Variants in EMG1 observed in about 807,000 individuals in gnomAD.
The protein encoded by EMG1 is EMG1 N1-specific pseudouridine methyltransferase, also known as ribosomal RNA small subunit methyltransferase NEP1.
In EMG1, 24 loss-of-function variants were observed where a neutral mutation model predicts 26.9. The observed-to-expected ratio is 0.89, with a 90% CI of 0.65 to 1.26. The LOEUF (loss-of-function observed/expected upper bound fraction) is 1.26, where lower values mean the gene tolerates loss of function less well. Among genes scored for constraint, EMG1 ranks in the 50% most tolerant of loss-of-function variants. The pLI, the probability that EMG1 is intolerant of heterozygous loss-of-function variation, is 0.00. For synonymous variants in EMG1, 140 were observed against 112.6 expected, an observed-to-expected ratio of 1.24 and a Z score of -1.54; for missense variants, 299 against 307.6, an observed-to-expected ratio of 0.97 and a Z score of 0.21.
Position 6,979,659 on chromosome 12 carries a change from G to T in EMG1, c.*3850G>T. ...ACCCTCTGACCTTCAGTTATGGAGA[G>T]GAGTGTTTAGGGGTGTGGTTGTCTA... On this transcript the variant is annotated 3_prime_UTR_variant, in exon 6 of 6. Transcript: ENST00000599672. The T allele has an allele frequency of 1.0e-6, 1 of 952,524 alleles. No homozygotes were observed. The highest frequency in any genetic ancestry group is 1.7e-6 in the Non-Finnish European group (1 of 591,508). 59.0% of individuals were successfully genotyped at this position (952,524 alleles called of 1,614,324 possible).
In EMG1 at chr12:6,987,782, G is replaced by A; in HGVS notation, c.*155G>A. 1 of 400,654 alleles carries A rather than the reference G, an allele frequency of 2.5e-6. No individual in the cohort carries two copies. Among genetic ancestry groups the A allele is most frequent in the East Asian group, 3.6e-5 (1 of 28,066 alleles). The allele number at this position is 400,654 out of a possible 1,614,324, so 24.8% of individuals were successfully genotyped here. A position where few individuals can be genotyped will look rare whatever the true frequency, so the allele number is the denominator to read the frequency against. ...TTGAATCTAATTTAACATTTTCTAGGTGTCTGGATCGTATCTATTCCAGAG... is the reference window on the plus strand; with the variant it reads ...TTGAATCTAATTTAACATTTTCTAGATGTCTGGATCGTATCTATTCCAGAG... On this transcript the variant is annotated splice_region_variant and 3_prime_UTR_variant and NMD_transcript_variant, in exon 7 of 8. Coordinates refer to the EMG1 transcript ENST00000261406. This position sits in a 1 kb window ranked among gnomAD's most constrained non-coding sequence, Gnocchi z 4.1.
downstream of EMG1, chr12:6,982,739 G>A (rs782398332): frequency 1.9e-6 from 3 of 1,614,080 alleles, no homozygotes; most frequent in Admixed American, 1.7e-5. Flanking sequence ...GAAGGATGAG[G>A]AACTGAAGCA....
At chr12:6,974,102 C>A (rs145602874) in intron 1 of EMG1, among the ~76,000 whole-genome samples, 1 of 152,324 alleles carries the variant, frequency 6.6e-6, no homozygotes, top group Non-Finnish European at 1.5e-5. Flanking sequence ...CCTCCTGTTT[C>A]CCTCTCAGAC....
Position 6,987,819 on chromosome 12 carries a change from T to C in EMG1, c.*192T>C, listed in dbSNP as rs1269020448. On this transcript the variant is annotated 3_prime_UTR_variant and NMD_transcript_variant, in exon 7 of 8. Coordinates refer to the EMG1 transcript ENST00000261406. This position sits in a 1 kb window ranked among gnomAD's most constrained non-coding sequence, Gnocchi z 4.1. ...TATCTATTCCAGAGTAAAGTCATGA[T>C]GGCTTTATGACGTTCTGAGGTATGT... 1 of 400,692 alleles carries C rather than the reference T, an allele frequency of 2.5e-6. No individual in the cohort carries two copies. The highest frequency in any genetic ancestry group is 2.1e-5 in the African/African-American group (1 of 48,710). 24.8% of individuals were successfully genotyped at this position (400,692 alleles called of 1,614,324 possible).
At chr12:6,988,904 A>G (rs1591550191), downstream of EMG1, among the ~76,000 whole-genome samples, 1 of 152,132 alleles carries the variant, frequency 6.6e-6, no homozygotes, top group Non-Finnish European at 1.5e-5. Context: ...AGGCAGGCGG[A>G]TCACCTGAGG....
At chr12:6,997,379 A>ATGTGTGTGTGTGTGTGTGTGTG (rs201579525) in exon 8 of EMG1, 1 of 114,046 alleles carries the variant, frequency 8.8e-6, no homozygotes, top group Non-Finnish European at 1.8e-5. Context: ...ACAGCAAATT[A>ATGTGTGTGTGTGTGTGTGTGTG]TGTGTGTGTG....
intron 7 of EMG1, among the ~76,000 whole-genome samples, chr12:6,996,854 C>T (rs1946640080): frequency 6.6e-6 from 1 of 152,140 alleles, no homozygotes; most frequent in African/African-American, 2.4e-5. Flanking sequence ...GAGATGACGG[C>T]ATTCCAAGGG....
chr12:6,985,328 G>A (rs1433444286), intron 6 of EMG1, among the ~76,000 whole-genome samples: 3 of 149,580 alleles, frequency 2.0e-5, no homozygotes, highest in East Asian at 4.0e-4. Flanking sequence ...CACGGGAGGC[G>A]GAGCTTGCAG....
At position 6,978,262 on chromosome 12, in the gene EMG1, A is replaced by G. The variant is rs991014888; in HGVS notation, c.*2453A>G. 5.4e-6 allele frequency: 8 copies of G among 1,482,140 alleles called. No individual in the cohort carries two copies. The highest frequency in any genetic ancestry group is 4.6e-6 in the Non-Finnish European group (5 of 1,096,778). The allele number at this position is 1,482,140 out of a possible 1,614,324, so 91.8% of individuals were successfully genotyped here. A position where few individuals can be genotyped will look rare whatever the true frequency, so the allele number is the denominator to read the frequency against. ...GATGGGAAAGACGCATAGGGGTGAC[A>G]TGGTACACCCCTGCCCTCCAATCTG... On this transcript the variant is annotated 3_prime_UTR_variant, in exon 6 of 6. Transcript: ENST00000599672.
chr12:6,973,896 G>A (rs1321910201), intron 1 of EMG1, among the ~76,000 whole-genome samples: 1 of 152,192 alleles, frequency 6.6e-6, no homozygotes, highest in Non-Finnish European at 1.5e-5. Context: ...TTTGGTGTAC[G>A]CAAACTGAGG....
downstream of EMG1, chr12:6,981,426 C>A: frequency 1.3e-6 from 1 of 766,930 alleles, no homozygotes. Flanking sequence ...GGATCCTGGG[C>A]AAATTAGATT....
chr12:6,990,823 A>G (rs1187541456), downstream of EMG1, among the ~76,000 whole-genome samples: 2 of 149,912 alleles, frequency 1.3e-5, no homozygotes, highest in African/African-American at 4.9e-5. Context: ...AGGCTGAGGC[A>G]GGAGAATCGC....
chr12:6,984,112 T>A (rs782130722), downstream of EMG1, among the ~76,000 whole-genome samples: 4 of 152,256 alleles, frequency 2.6e-5, no homozygotes, highest in Non-Finnish European at 5.9e-5. Flanking sequence ...TCAGGCTAAA[T>A]ACTGGAATTG....
downstream of EMG1, chr12:6,981,357 C>T: frequency 1.5e-6 from 1 of 670,388 alleles, no homozygotes; most frequent in Non-Finnish European, 2.5e-6. Context: ...GCATAGCTGG[C>T]TGTTGCTGCT....
At chr12:6,989,402 C>T (rs1409873482), downstream of EMG1, among the ~76,000 whole-genome samples, 2 of 151,276 alleles carry the variant, frequency 1.3e-5, no homozygotes, top group African/African-American at 2.4e-5. Flanking sequence ...CTCCGCCTCC[C>T]GGGTTCACGC....
downstream of EMG1, chr12:6,983,504 A>G (rs34196984): frequency 0.019 from 31,251 of 1,612,294 alleles, 453 homozygotes; most frequent in Middle Eastern, 0.076. Context: ...TCCTTGTAGA[A>G]AAGGTAATGC....
At position 6,970,955 on chromosome 12, in the gene EMG1, G is replaced by A; in HGVS notation, c.32G>A (p.Arg11His). The stretch of plus-strand genomic sequence containing the variant: ...GCGCCCAGTGATGGATTCAAGCCTC[G>A]TGAACGAAGCGGTGGGGAGCAGGCA... MAAPSDGFKP[R>H]ERSGGEQAQD... The change falls in exon 1 of 6, where the codon CGT (arginine) becomes CAT (histidine). Residue 11 changes from arginine to histidine, a missense_variant. Arg to His is a conservative substitution (Grantham distance 29, BLOSUM62 0). Coordinates refer to ENST00000599672, the MANE Select transcript of EMG1 (RefSeq NM_006331.8). 1 of 1,613,178 alleles carries A rather than the reference G, an allele frequency of 6.2e-7. No homozygotes were observed. The highest frequency in any genetic ancestry group is 1.3e-5 in the African/African-American group (1 of 75,056).
At position 6,970,928 on chromosome 12, in the gene EMG1, C is replaced by T. The variant is rs1555152059; in HGVS notation, c.5C>T (p.Ala2Val). ...AACTTCCGGTATTGTTGCAAGATGG[C>T]CGCGCCCAGTGATGGATTCAAGCCT... is the stretch of plus-strand genomic sequence containing the variant. The part of the protein sequence containing the change: M[A>V]APSDGFKPRE... The change falls in exon 1 of 6, where the codon GCC (alanine) becomes GTC (valine). Residue 2 changes from alanine (A) to valine (V), a missense_variant. Coordinates refer to ENST00000599672, the MANE Select transcript of EMG1 (RefSeq NM_006331.8). 6.2e-6 allele frequency: 10 copies of T among 1,611,952 alleles called. No individual in the cohort carries two copies. Among genetic ancestry groups the T allele is most frequent in the South Asian group, 1.1e-5 (1 of 90,656 alleles).
downstream of EMG1, chr12:6,981,089 A>G (rs782268184): frequency 6.2e-7 from 1 of 1,613,904 alleles, no homozygotes; most frequent in South Asian, 1.1e-5. Context: ...GGCCCTACCA[A>G]GAAGGCCCCA....
Sources: allele counts gnomAD v4.1 joint callset (sites outside exome capture counted in the v4.1 genomes callset), GRCh38; gene constraint gnomAD v4.1.1; non-coding constraint Gnocchi (gnomAD v3.1); transcripts MANE v1.5; gene names NCBI Gene and HGNC (gene_info 2026-07-23, HGNC 2026-07-21).